TMEM255A: variants seen among roughly 807,000 people sequenced by gnomAD.
TMEM255A encodes family with sequence similarity 70, member A.
TMEM255A carries 14 observed loss-of-function variants against 23.5 expected under a neutral mutation model. The observed-to-expected ratio is 0.60, with a 90% CI of 0.39 to 0.93. The LOEUF is 0.93. TMEM255A is among the 40% of genes least tolerant of loss of function. The pLI, the probability that TMEM255A is intolerant of heterozygous loss-of-function variation, is 0.00. For missense variants in TMEM255A, 233 were observed against 261.7 expected (o/e 0.89, Z 0.76); for synonymous variants, 104 against 100.3 (o/e 1.04, Z -0.22).
intron 5 of TMEM255A, chrX:120,285,766 T>G (rs1603402039): frequency 8.4e-7 from 1 of 1,196,206 alleles, no homozygotes; most frequent in Admixed American, 2.2e-5. Flanking sequence ...TTATTAATAT[T>G]TTTACAGTCA....
chrX:120,294,998 A>G (rs2057945009), intron 2 of TMEM255A, among the ~76,000 whole-genome samples: 1 of 111,814 alleles, frequency 8.9e-6, no homozygotes, highest in Admixed American at 9.5e-5. Context: ...GGGTGAACAG[A>G]AATGGCAGTG....
chrX:120,286,403 A>T (rs1399847689), intron 5 of TMEM255A, among the ~76,000 whole-genome samples: 1 of 112,199 alleles, frequency 8.9e-6, no homozygotes, highest in Non-Finnish European at 1.9e-5. Flanking sequence ...GATTCCTGGA[A>T]GCCTAGGTAC....
intron 7 of TMEM255A, among the ~76,000 whole-genome samples, chrX:120,274,577 T>C (rs1038181185): frequency 8.1e-5 from 9 of 111,665 alleles, no homozygotes; most frequent in African/African-American, 2.9e-4. Context: ...CCACTCTCCC[T>C]GTCTTCCTCA....
intron 4 of TMEM255A, 29 bp downstream of exon 4, chrX:120,291,222 A>G (rs1262775815): frequency 8.8e-7 from 1 of 1,135,226 alleles, no homozygotes; most frequent in Non-Finnish European, 1.2e-6. Context: ...TTGCCTATTT[A>G]CTTTAACTCA....
At chrX:120,296,630 T>C (rs2057959394) in intron 2 of TMEM255A, among the ~76,000 whole-genome samples, 1 of 70,186 alleles carries the variant, frequency 1.4e-5, no homozygotes, top group African/African-American at 5.8e-5. Context: ...ATATAATATA[T>C]ATATATTATA....
intron 7 of TMEM255A, among the ~76,000 whole-genome samples, chrX:120,271,781 T>A (rs2057763124): frequency 1.8e-5 from 2 of 110,320 alleles, no homozygotes; most frequent in Admixed American, 2.0e-4. Context: ...GGCAAAAATG[T>A]GGAAATCATG....
intron 1 of TMEM255A, among the ~76,000 whole-genome samples, chrX:120,307,462 G>A (rs2058071987): frequency 8.9e-6 from 1 of 112,090 alleles, no homozygotes; most frequent in Non-Finnish European, 1.9e-5. Context: ...GCACCAGGAG[G>A]TACTTAAATA....
chrX:120,266,418 G>A (rs1556017632), intron 8 of TMEM255A, among the ~76,000 whole-genome samples: 1 of 109,655 alleles, frequency 9.1e-6, no homozygotes, highest in African/African-American at 3.3e-5. Flanking sequence ...CGTGGCACAT[G>A]GAACACAGAG....
intron 6 of TMEM255A, among the ~76,000 whole-genome samples, chrX:120,279,426 G>A (rs1476477847): frequency 6.2e-5 from 7 of 112,500 alleles, no homozygotes; most frequent in African/African-American, 1.9e-4. Context: ...CAGGGAGGAT[G>A]CACAGATTAT....
At chrX:120,308,439 G>A (rs781819602) in intron 1 of TMEM255A, among the ~76,000 whole-genome samples, 17 of 112,092 alleles carry the variant, frequency 1.5e-4, no homozygotes, top group East Asian at 1.1e-3. Flanking sequence ...TGCCTGGCTA[G>A]TTCTCTGGGT....
At chrX:120,284,852 T>C (rs1323842432) in intron 6 of TMEM255A, among the ~76,000 whole-genome samples, 1 of 111,989 alleles carries the variant, frequency 8.9e-6, no homozygotes, top group Non-Finnish European at 1.9e-5. Flanking sequence ...CTTGGGCTAG[T>C]TGTCTGTTTC....
rs368966488 is a variant in TMEM255A, at chrX:120,300,554, ATTTTTTT to A, written c.201+3788_201+3794del. Among the ~76,000 whole-genome samples, 15 of 74,204 alleles carry A rather than the reference ATTTTTTT, an allele frequency of 2.0e-4. No individual in the cohort carries two copies. In the South Asian group the frequency reaches 9.2e-3, roughly 46 times the overall value. The allele number at this position is 74,204 out of a possible 115,157, so 64.4% of individuals were successfully genotyped here. A position where few individuals can be genotyped will look rare whatever the true frequency, so the allele number is the denominator to read the frequency against. On this transcript the variant is annotated intron_variant, in intron 2 of 8. Transcript: ENST00000371369. ...AGGCTCATGCCACAGGGCCAGGCTA[ATTTTTTT>A]TTTTTTTTTTTTTTGTAGAGATGGG...
At chrX:120,262,316 C>T (rs1670829404) in intron 8 of TMEM255A, among the ~76,000 whole-genome samples, 1 of 111,263 alleles carries the variant, frequency 9.0e-6, no homozygotes, top group Non-Finnish European at 1.9e-5. Flanking sequence ...ATAAATAAAA[C>T]CTATGTCCAG....
At chrX:120,300,913 C>T (rs782778366) in intron 2 of TMEM255A, among the ~76,000 whole-genome samples, 1 of 108,712 alleles carries the variant, frequency 9.2e-6, no homozygotes, top group Admixed American at 1.0e-4. Context: ...GTAGAGATGG[C>T]GTCTCACCAC....
intron 6 of TMEM255A, among the ~76,000 whole-genome samples, chrX:120,284,433 C>A (rs781916399): frequency 9.1e-6 from 1 of 110,110 alleles, no homozygotes; most frequent in African/African-American, 3.3e-5. Flanking sequence ...GGTTGCCCAC[C>A]CACCCCCAAC....
At position 120,287,020 on chromosome X, in the gene TMEM255A, C is replaced by T. The variant is rs189996330; in HGVS notation, c.423+134G>A. The T allele has an allele frequency of 3.7e-4, 206 of 563,211 alleles. No homozygotes were observed. The African/African-American group carries it at 3.8e-3, about 10-fold the overall frequency. The allele number at this position is 563,211 out of a possible 1,213,427, so 46.4% of individuals were successfully genotyped here. On this transcript the variant is annotated intron_variant, in intron 5 of 8. Transcript: ENST00000371369. ...TGGCCTCATTAGCAATGTGCTCTGACCCACTGAACAAATCAGCTATACATA... is the reference window on the plus strand; with the variant it reads ...TGGCCTCATTAGCAATGTGCTCTGATCCACTGAACAAATCAGCTATACATA...
chrX:120,275,255 G>A (rs893377838), intron 7 of TMEM255A, among the ~76,000 whole-genome samples: 7 of 110,500 alleles, frequency 6.3e-5, no homozygotes, highest in Non-Finnish European at 1.1e-4. Context: ...TCTGGGGAGG[G>A]AAGCTGGGAA....
At chrX:120,307,155 G>A (rs1556027283) in intron 1 of TMEM255A, among the ~76,000 whole-genome samples, 2 of 112,287 alleles carry the variant, frequency 1.8e-5, no homozygotes. Context: ...AGGGTGACTC[G>A]TTTTGAAAAT....
Position 120,260,923 on chromosome X carries a change from A to C in TMEM255A, c.925T>G (p.Tyr309Asp). The C allele has an allele frequency of 8.3e-7, 1 of 1,201,032 alleles. No homozygotes were observed. Among genetic ancestry groups the C allele is most frequent in the South Asian group, 1.8e-5 (1 of 55,056 alleles). Reference protein sequence around the residue: ...YMWSSSAPPRYSPPYYPPFEK... With the variant: ...YMWSSSAPPRDSPPYYPPFEK... Reference sequence around the variant, plus strand: ...AAAGGTGGATAGTAGGGTGGAGAGTAACGGGGCGGTGCACTTGAGGACCAC... The same window carrying C: ...AAAGGTGGATAGTAGGGTGGAGAGTCACGGGGCGGTGCACTTGAGGACCAC... The change falls in exon 9 of 9, where the codon TAC becomes GAC. Residue 309 changes from tyrosine (Y) to aspartate (D), a missense_variant. Transcript: ENST00000371369.
Sources: gnomAD v4.1 joint callset for allele counts (sites outside exome capture counted in the v4.1 genomes callset) on GRCh38, gnomAD v4.1.1 for gene constraint, MANE v1.5 for transcripts, NCBI Gene and HGNC (gene_info 2026-07-23, HGNC 2026-07-21) for gene names.